The following SBF2 variants were observed in gnomAD, a reference collection of about 807,000 sequenced individuals.
SBF2 encodes the protein myotubularin-related protein 13.
In SBF2, 112 loss-of-function variants were observed where a neutral mutation model predicts 225.2. The observed-to-expected ratio is 0.50, with a 90% CI of 0.43 to 0.58. The LOEUF (loss-of-function observed/expected upper bound fraction) is 0.58, where lower values mean the gene tolerates loss of function less well. Among genes scored for constraint, SBF2 ranks in the 20% least tolerant of loss-of-function variants. SBF2 has a pLI of 0.00. For missense variants in SBF2, 1,996 were observed against 2,206.2 expected (o/e 0.90, Z 1.91); for synonymous variants, 763 against 773.3 (o/e 0.99, Z 0.22).
intron 32 of SBF2, among the ~76,000 whole-genome samples, chr11:9,796,379 T>C (rs1292794689): frequency 6.7e-6 from 1 of 149,620 alleles, no homozygotes; most frequent in Non-Finnish European, 1.5e-5. Flanking sequence ...TGGCAATTGA[T>C]AGATATATAT....
intron 32 of SBF2, among the ~76,000 whole-genome samples, chr11:9,803,971 G>T (rs1290565745): frequency 6.6e-6 from 1 of 152,150 alleles, no homozygotes; most frequent in Non-Finnish European, 1.5e-5. Flanking sequence ...AAAGGCTCAG[G>T]GCACAGAGGC....
intron 2 of SBF2, among the ~76,000 whole-genome samples, chr11:10,058,599 T>C (rs1018231570): frequency 2.6e-5 from 4 of 152,156 alleles, no homozygotes; most frequent in Non-Finnish European, 4.4e-5. Context: ...TTTCAGGATG[T>C]TGTCCATGAA....
At chr11:10,228,219 G>C (rs1958665788) in intron 1 of SBF2, among the ~76,000 whole-genome samples, 1 of 152,140 alleles carries the variant, frequency 6.6e-6, no homozygotes, top group African/African-American at 2.4e-5. Context: ...GGGAGATTTT[G>C]GGCTGAGACG....
At chr11:9,927,584 A>G (rs181390708) in intron 16 of SBF2, among the ~76,000 whole-genome samples, 111 of 152,278 alleles carry the variant, frequency 7.3e-4, no homozygotes, top group Admixed American at 4.3e-3. Context: ...ATAAAAAAAT[A>G]AAAAATACAT....
chr11:9,978,789 A>G (rs1214796915), intron 13 of SBF2, among the ~76,000 whole-genome samples: 1 of 152,154 alleles, frequency 6.6e-6, no homozygotes, highest in Non-Finnish European at 1.5e-5. Flanking sequence ...TGAGCCCAGG[A>G]GTTCCAGATC....
intron 1 of SBF2, among the ~76,000 whole-genome samples, chr11:10,290,014 C>A (rs1964062096): frequency 6.6e-6 from 1 of 152,198 alleles, no homozygotes; most frequent in African/African-American, 2.4e-5. Flanking sequence ...CCTGACACCA[C>A]CGCCCGCACC....
At chr11:9,852,811 T>TAAAATATCCA in intron 20 of SBF2, 62 bp from the exon 21 acceptor site, 1 of 1,256,474 alleles carries the variant, frequency 8.0e-7, no homozygotes, top group Non-Finnish European at 1.2e-6. Context: ...AAACAAATTC[T>TAAAATATCCA]GGATATTTTA....
intron 16 of SBF2, among the ~76,000 whole-genome samples, chr11:9,911,449 T>C (rs1025750202): frequency 1.2e-4 from 18 of 152,206 alleles, no homozygotes; most frequent in African/African-American, 4.3e-4. Context: ...TGTATGGCTA[T>C]ACAATACCGT....
intron 13 of SBF2, among the ~76,000 whole-genome samples, chr11:9,981,779 C>A (rs1946968494): frequency 6.6e-6 from 1 of 152,126 alleles, no homozygotes. Flanking sequence ...AAAATTTCTA[C>A]TTTGACAATG....
rs1851869188 is a variant in SBF2, at chr11:9,778,932, A to G, written c.*1486T>C. On this transcript the variant is annotated 3_prime_UTR_variant, in exon 40 of 40. Coordinates refer to ENST00000256190, the MANE Select transcript of SBF2 (RefSeq NM_030962.4). ...AGGTACAATGGGCTCCATATTTTAC[A>G]AAGTACAAAAAATTATTTCATATAC... 6.5e-6 allele frequency: 1 copy of G among 152,676 alleles called. No homozygotes were observed. The highest frequency in any genetic ancestry group is 2.1e-4 in the South Asian group (1 of 4,834). The allele number at this position is 152,676 out of a possible 1,614,324, so 9.5% of individuals were successfully genotyped here. A position where few individuals can be genotyped will look rare whatever the true frequency, so the allele number is the denominator to read the frequency against.
intron 16 of SBF2, among the ~76,000 whole-genome samples, chr11:9,912,172 G>A (rs1415820502): frequency 6.6e-6 from 1 of 150,644 alleles, no homozygotes; most frequent in African/African-American, 2.4e-5. Context: ...AAAATTAGCT[G>A]GGCATAGTGG....
chr11:10,171,442 T>C (rs984321849), intron 2 of SBF2, among the ~76,000 whole-genome samples: 2 of 152,200 alleles, frequency 1.3e-5, no homozygotes, highest in African/African-American at 2.4e-5. Context: ...ATCACGTTGA[T>C]TGGTGTGTGT....
chr11:10,128,359 A>G (rs942308941), intron 2 of SBF2, among the ~76,000 whole-genome samples: 1 of 152,242 alleles, frequency 6.6e-6, no homozygotes, highest in Non-Finnish European at 1.5e-5. Flanking sequence ...CTACTGAATA[A>G]ATTAATCAAA....
At chr11:10,286,001 G>A (rs960323534) in intron 1 of SBF2, among the ~76,000 whole-genome samples, 5 of 152,286 alleles carry the variant, frequency 3.3e-5, no homozygotes, top group Admixed American at 2.0e-4. Context: ...TGTTAAGAGA[G>A]TAGATCTTTT....
intron 1 of SBF2, among the ~76,000 whole-genome samples, chr11:10,231,729 C>T (rs1958855151): frequency 1.3e-5 from 2 of 152,172 alleles, no homozygotes; most frequent in Non-Finnish European, 2.9e-5. Context: ...CTGGGGGGTG[C>T]CTCCCAGTTA....
chr11:10,076,502 C>A (rs1249988174), intron 2 of SBF2, among the ~76,000 whole-genome samples: 1 of 152,174 alleles, frequency 6.6e-6, no homozygotes, highest in Non-Finnish European at 1.5e-5. Context: ...TGGGCACTAC[C>A]CGTTTGCAGC....
rs145345982 is a variant in SBF2, at chr11:9,874,214, T to G, written c.1930-15818A>C. 1.8e-3 allele frequency among the ~76,000 whole-genome samples: 281 copies of G among 152,308 alleles called. 2 individuals are homozygous for G. Among genetic ancestry groups the G allele is most frequent in the African/African-American group, 6.1e-3 (253 of 41,574 alleles). ...TTAGGAAGCTCTCATTCTAAGTCAT[T>G]TTTAACTTGAATTTTTATTGCCAAG... On this transcript the variant is annotated intron_variant, in intron 17 of 39. Transcript: ENST00000256190.
At chr11:9,860,261 GTTTT>G (rs66485704) in intron 17 of SBF2, among the ~76,000 whole-genome samples, 2 of 127,404 alleles carry the variant, frequency 1.6e-5, no homozygotes, top group Non-Finnish European at 1.6e-5. Flanking sequence ...TTTTGAAACA[GTTTT>G]TTTTTTTTTT....
chr11:9,958,884 T>C (rs1365341885), intron 16 of SBF2: 4 of 678,236 alleles, frequency 5.9e-6, no homozygotes, highest in Middle Eastern at 3.3e-4. Context: ...GTCTGGGGAA[T>C]GTGTATGCTG....
Sources: allele counts gnomAD v4.1 joint callset (sites outside exome capture counted in the v4.1 genomes callset), GRCh38; gene constraint gnomAD v4.1.1; transcripts MANE v1.5; gene names NCBI Gene and HGNC (gene_info 2026-07-23, HGNC 2026-07-21).